The following NSMAF variants were observed in gnomAD, a reference collection of about 807,000 sequenced individuals.
NSMAF encodes protein FAN.
NSMAF carries 90 observed loss-of-function variants against 134.9 expected under a neutral mutation model. That is an observed-to-expected ratio of 0.67 (90% CI 0.56 to 0.79). The LOEUF is 0.79. Among genes scored for constraint, NSMAF ranks in the 30% least tolerant of loss-of-function variants. The pLI, the probability that NSMAF is intolerant of heterozygous loss-of-function variation, is 0.00. For missense variants in NSMAF, 1,010 were observed against 1,119.0 expected (o/e 0.90, Z 1.39); for synonymous variants, 358 against 389.6 (o/e 0.92, Z 0.96).
chr8:58,621,378 G>A (rs1274466289), intron 9 of NSMAF, among the ~76,000 whole-genome samples: 3 of 152,086 alleles, frequency 2.0e-5, no homozygotes, highest in Admixed American at 2.0e-4. Context: ...TTGATTCTAT[G>A]TCTTTGCTAT....
intron 6 of NSMAF, among the ~76,000 whole-genome samples, chr8:58,630,330 TA>T (rs1174728716): frequency 6.6e-6 from 1 of 151,904 alleles, no homozygotes; most frequent in Non-Finnish European, 1.5e-5. Context: ...TTTTTTTTTT[TA>T]ATCTGAGAAT....
intron 1 of NSMAF, among the ~76,000 whole-genome samples, chr8:58,646,044 A>AATCATCATC (rs140848286): frequency 4.6e-5 from 7 of 151,924 alleles, no homozygotes; most frequent in African/African-American, 9.7e-5. Flanking sequence ...TCCGTCTCAA[A>AATCATCATC]ATCATCATCA....
intron 14 of NSMAF, 92 bp from the exon 15 acceptor site, chr8:58,601,627 T>C: frequency 3.5e-6 from 5 of 1,437,264 alleles, no homozygotes; most frequent in Non-Finnish European, 4.6e-6. Flanking sequence ...AATCATAACA[T>C]AGATATACCA....
chr8:58,591,557 G>C (rs1175634035), intron 23 of NSMAF, among the ~76,000 whole-genome samples: 1 of 143,268 alleles, frequency 7.0e-6, no homozygotes, highest in Non-Finnish European at 1.5e-5. Flanking sequence ...TGTGATCTTG[G>C]CTCACTGCAA....
intron 22 of NSMAF, 40 bp from the exon 23 acceptor site, chr8:58,594,330 G>A: frequency 6.5e-7 from 1 of 1,532,216 alleles, no homozygotes; most frequent in Non-Finnish European, 9.0e-7. Context: ...TACTCATCAT[G>A]TGTTAGGATA....
rs540486119 is a variant in NSMAF at position 58,642,842 on chromosome 8, A to G, written c.149+142T>C. 1.3e-5 allele frequency: 9 copies of G among 675,338 alleles called. 1 individual carries two copies. The South Asian group carries it at 1.6e-4, about 12-fold the overall frequency. 41.8% of individuals were successfully genotyped at this position (675,338 alleles called of 1,614,324 possible). On this transcript the variant is annotated intron_variant, in intron 2 of 30. Coordinates refer to ENST00000038176, the MANE Select transcript of NSMAF (RefSeq NM_003580.4). ...CTCTCCTAGGTTATAATCCTCAATA[A>G]AAGTCTAAATAAAATTTACTTTAAT...
chr8:58,591,450 C>T (rs1563523542), intron 23 of NSMAF, among the ~76,000 whole-genome samples: 1 of 145,522 alleles, frequency 6.9e-6, no homozygotes, highest in Non-Finnish European at 1.5e-5. Context: ...AAAATCCAAG[C>T]ATTTAATTTT....
intron 1 of NSMAF, among the ~76,000 whole-genome samples, chr8:58,646,330 A>G (rs1807451923): frequency 6.6e-6 from 1 of 152,216 alleles, no homozygotes; most frequent in South Asian, 2.1e-4. Flanking sequence ...TCTCTTATAG[A>G]GAGGGAAGAA....
At chr8:58,589,379 A>C (rs150327850) in intron 26 of NSMAF, 73 bp downstream of exon 26, 23 of 1,258,076 alleles carry the variant, frequency 1.8e-5, no homozygotes, top group Middle Eastern at 4.5e-4. Flanking sequence ...CTGTATGTAC[A>C]TTTTAAGCTA....
At chr8:58,636,085 T>C (rs139327692) in intron 2 of NSMAF, among the ~76,000 whole-genome samples, 3,257 of 152,340 alleles carry the variant, frequency 0.021, 111 homozygotes, top group African/African-American at 0.074. Context: ...TTTTCCAAGT[T>C]GTTAACTGCA....
At chr8:58,654,412 T>C (rs1807655527) in intron 1 of NSMAF, among the ~76,000 whole-genome samples, 2 of 152,258 alleles carry the variant, frequency 1.3e-5, no homozygotes, top group Admixed American at 6.5e-5. Flanking sequence ...CAGCCAGGCA[T>C]GGTGGCGCAT....
intron 9 of NSMAF, among the ~76,000 whole-genome samples, chr8:58,614,760 C>T (rs1225091868): frequency 1.3e-5 from 2 of 152,114 alleles, no homozygotes; most frequent in Non-Finnish European, 2.9e-5. Context: ...AACCCAAGGT[C>T]CCTCTCTCGT....
intron 6 of NSMAF, among the ~76,000 whole-genome samples, chr8:58,624,316 G>A (rs572557412): frequency 3.6e-4 from 55 of 151,898 alleles, no homozygotes; most frequent in African/African-American, 1.3e-3. Context: ...CACAGTGCTG[G>A]GATTACAGGT....
chr8:58,600,399 T>C (rs751707285), intron 16 of NSMAF, among the ~76,000 whole-genome samples: 11 of 151,740 alleles, frequency 7.2e-5, no homozygotes, highest in Non-Finnish European at 1.5e-4. Flanking sequence ...CCAAGGCGGG[T>C]GGATCACGAA....
Position 58,603,396 on chromosome 8 carries a change from G to A in NSMAF, c.869-10C>T. The A allele has an allele frequency of 6.2e-7, 1 of 1,612,446 alleles. No individual in the cohort carries two copies. ...TCCGCCACATGGTGCTCTGGGGGAA[G>A]AGGACCCACGAGGTCTGCCACTTAA... is the stretch of plus-strand genomic sequence containing the variant. On this transcript the variant is annotated splice_polypyrimidine_tract_variant and intron_variant, in intron 12 of 30. Coordinates refer to ENST00000038176, the MANE Select transcript of NSMAF (RefSeq NM_003580.4).
chr8:58,599,148 T>C, intron 19 of NSMAF, 84 bp downstream of exon 19: 1 of 1,364,784 alleles, frequency 7.3e-7, no homozygotes, highest in Non-Finnish European at 1.0e-6. Flanking sequence ...TTTGTTGGTA[T>C]TGTTTGCTTT....
chr8:58,644,351 G>A (rs1449793412), intron 1 of NSMAF, among the ~76,000 whole-genome samples: 25 of 152,274 alleles, frequency 1.6e-4, no homozygotes, highest in Admixed American at 1.2e-3. Flanking sequence ...AAAGCAGACC[G>A]GGGGAATAAG....
chr8:58,603,199 G>A lies in NSMAF; in HGVS notation c.1045+11C>T. ...ACTCAACTTGGTCAGAATTCCACGT[G>A]TGGCAGTTACCTAGTTCTGAGCTGG... On this transcript the variant is annotated intron_variant, in intron 13 of 30. Coordinates refer to ENST00000038176, the MANE Select transcript of NSMAF (RefSeq NM_003580.4). 6.2e-7 allele frequency: 1 copy of A among 1,613,266 alleles called. No homozygotes were observed. Among genetic ancestry groups the A allele is most frequent in the East Asian group, 2.2e-5 (1 of 44,874 alleles).
chr8:58,586,473 T>C lies in NSMAF; in HGVS notation c.2431A>G (p.Thr811Ala), dbSNP rs1805887589. ...IPCHSGIVCD[T>A]AFSPDSRHVL... ...TAATATCTACCTGGGCTAAAAGCAG[T>C]GTCACATACAATCCCTGAATGGCAT... The change falls in exon 28 of 31, where the codon ACT becomes GCT. Residue 811 changes from threonine (T) to alanine (A), a missense_variant. Thr to Ala is a moderately conservative substitution (Grantham distance 58, BLOSUM62 0). Coordinates refer to ENST00000038176, the MANE Select transcript of NSMAF (RefSeq NM_003580.4). The C allele has an allele frequency of 6.2e-7, 1 of 1,607,920 alleles. No individual in the cohort carries two copies. Among genetic ancestry groups the C allele is most frequent in the African/African-American group, 1.4e-5 (1 of 69,238 alleles).
Sources: gnomAD v4.1 joint callset for allele counts (sites outside exome capture counted in the v4.1 genomes callset) on GRCh38, gnomAD v4.1.1 for gene constraint, MANE v1.5 for transcripts, NCBI Gene and HGNC (gene_info 2026-07-23, HGNC 2026-07-21) for gene names.